ZFAND3: variants seen among roughly 807,000 people sequenced by gnomAD.
ZFAND3 encodes AN1-type zinc finger protein 3.
In ZFAND3, 10 loss-of-function variants were observed where a neutral mutation model predicts 29.6. The observed-to-expected ratio is 0.34, with a 90% confidence interval of 0.21 to 0.57. The LOEUF is 0.57. Ranked by LOEUF, ZFAND3 falls within the 20% of genes least tolerant of loss-of-function variation. The pLI, the probability that ZFAND3 is intolerant of heterozygous loss-of-function variation, is 0.86. For missense variants in ZFAND3, 230 were observed against 304.5 expected, an observed-to-expected ratio of 0.76 and a Z score of 1.82; for synonymous variants, 128 against 112.6, an observed-to-expected ratio of 1.14 and a Z score of -0.87.
At chr6:37,843,688 A>G (rs1451109442) in intron 1 of ZFAND3, among the ~76,000 whole-genome samples, 1 of 152,082 alleles carries the variant, frequency 6.6e-6, no homozygotes, top group Non-Finnish European at 1.5e-5. Flanking sequence ...ATTACTCAGC[A>G]TTTTCCTCAC....
intron 3 of ZFAND3, among the ~76,000 whole-genome samples, chr6:38,073,564 C>T (rs938906150): frequency 6.6e-6 from 1 of 152,094 alleles, no homozygotes; most frequent in African/African-American, 2.4e-5. Flanking sequence ...AAAAACAAAA[C>T]AGTGTCTAAA....
At chr6:38,050,341 C>T (rs1197717698) in intron 2 of ZFAND3, among the ~76,000 whole-genome samples, 2 of 152,010 alleles carry the variant, frequency 1.3e-5, no homozygotes, top group Non-Finnish European at 2.9e-5. Context: ...AACTCCTGGG[C>T]TCAAGCAATC....
intron 4 of ZFAND3, among the ~76,000 whole-genome samples, chr6:38,109,668 A>T (rs1765277132): frequency 6.6e-6 from 1 of 152,122 alleles, no homozygotes; most frequent in African/African-American, 2.4e-5. Context: ...GCTGTGAGGA[A>T]GTGAAAAACC....
chr6:38,135,882 A>G (rs1581949150), intron 5 of ZFAND3, among the ~76,000 whole-genome samples: 1 of 152,240 alleles, frequency 6.6e-6, no homozygotes, highest in Non-Finnish European at 1.5e-5. Flanking sequence ...CCTGCAGTCC[A>G]GAAGGCTCCC....
At chr6:38,124,525 G>C (rs766275737) in intron 5 of ZFAND3, among the ~76,000 whole-genome samples, 1 of 152,196 alleles carries the variant, frequency 6.6e-6, no homozygotes, top group East Asian at 1.9e-4. Flanking sequence ...GCGCAGTGCC[G>C]GTGGGCCGCA....
intron 1 of ZFAND3, among the ~76,000 whole-genome samples, chr6:37,900,894 A>G (rs1011168676): frequency 2.0e-5 from 3 of 152,210 alleles, no homozygotes; most frequent in Non-Finnish European, 4.4e-5. Flanking sequence ...TTCAGAGTTT[A>G]AAATAGGATA....
At chr6:38,080,638 T>C (rs1043013578) in intron 3 of ZFAND3, among the ~76,000 whole-genome samples, 1 of 152,162 alleles carries the variant, frequency 6.6e-6, no homozygotes, top group African/African-American at 2.4e-5. Flanking sequence ...TAGGGAGTAG[T>C]TGTCAGACTT....
At chr6:37,928,949 G>T (rs1463266669) in intron 1 of ZFAND3, among the ~76,000 whole-genome samples, 1 of 152,160 alleles carries the variant, frequency 6.6e-6, no homozygotes. Flanking sequence ...TTTTTCTGTA[G>T]TTCCTAGCTT....
chr6:38,025,863 G>A (rs560808180), intron 2 of ZFAND3, among the ~76,000 whole-genome samples: 3 of 152,308 alleles, frequency 2.0e-5, no homozygotes, highest in Non-Finnish European at 2.9e-5. Flanking sequence ...TAGAGCTGCC[G>A]GTGGGAGTTG....
intron 1 of ZFAND3, among the ~76,000 whole-genome samples, chr6:37,899,862 A>T (rs1765286975): frequency 6.6e-6 from 1 of 152,124 alleles, no homozygotes; most frequent in Admixed American, 6.5e-5. Context: ...GTGTTTTTTG[A>T]TGGGGAGTAT....
chr6:38,053,981 A>G (rs767976767), intron 2 of ZFAND3, among the ~76,000 whole-genome samples: 1 of 152,044 alleles, frequency 6.6e-6, no homozygotes, highest in Non-Finnish European at 1.5e-5. Flanking sequence ...TTGCAGATTC[A>G]TGGACATAAA....
chr6:38,048,617 G>A (rs1277786024), intron 2 of ZFAND3, among the ~76,000 whole-genome samples: 64 of 656 alleles, frequency 0.098, no homozygotes, highest in African/African-American at 0.21. Context: ...GTGAGACTCC[G>A]TCTCAAAAAA....
intron 2 of ZFAND3, among the ~76,000 whole-genome samples, chr6:37,945,026 A>AC (rs779097958): frequency 4.6e-5 from 7 of 152,170 alleles, no homozygotes; most frequent in African/African-American, 7.2e-5. Flanking sequence ...ACCCATTTTT[A>AC]CACCAGTATG....
intron 2 of ZFAND3, among the ~76,000 whole-genome samples, chr6:37,980,638 G>A (rs537503970): frequency 4.6e-5 from 7 of 152,196 alleles, no homozygotes; most frequent in African/African-American, 9.6e-5. Flanking sequence ...CAATTTGATC[G>A]GCATTTGTGC....
chr6:37,922,461 A>G (rs1335696476), intron 1 of ZFAND3, among the ~76,000 whole-genome samples: 1 of 152,240 alleles, frequency 6.6e-6, no homozygotes, highest in Non-Finnish European at 1.5e-5. Context: ...TGATATCTGT[A>G]GATTTTCATT....
chr6:37,931,594 G>A (rs947278030), intron 2 of ZFAND3, among the ~76,000 whole-genome samples: 1 of 151,758 alleles, frequency 6.6e-6, no homozygotes, highest in African/African-American at 2.4e-5. Flanking sequence ...AGAAATGTTA[G>A]TGTGTGTAAG....
At chr6:37,833,131 A>G (rs1763895700) in intron 1 of ZFAND3, 1 of 152,168 alleles carries the variant, frequency 6.6e-6, no homozygotes, top group African/African-American at 2.4e-5. Context: ...TACTGCCCAG[A>G]ACTCCTGGGC....
At chr6:37,884,029 A>G (rs1464297480) in intron 1 of ZFAND3, among the ~76,000 whole-genome samples, 1 of 145,204 alleles carries the variant, frequency 6.9e-6, no homozygotes, top group Admixed American at 6.7e-5. Context: ...GGGTAGGGAA[A>G]GATGTCTAGA....
intron 2 of ZFAND3, among the ~76,000 whole-genome samples, chr6:38,051,762 ACTT>A (rs969257183): frequency 1.3e-5 from 2 of 152,250 alleles, no homozygotes; most frequent in African/African-American, 4.8e-5. Context: ...TATTCAGAAA[ACTT>A]CTCCCTGTGT....
Sources: allele counts gnomAD v4.1 joint callset (sites outside exome capture counted in the v4.1 genomes callset), GRCh38; gene constraint gnomAD v4.1.1; transcripts MANE v1.5; gene names NCBI Gene and HGNC (gene_info 2026-07-23, HGNC 2026-07-21).